Variants in FSTL4 observed in about 807,000 individuals in gnomAD.
The protein encoded by FSTL4 is follistatin-related protein 4.
A neutral mutation model predicts 78.2 loss-of-function variants in FSTL4; 28 were observed. The observed-to-expected ratio is 0.36, with a 90% confidence interval of 0.27 to 0.49. FSTL4 has a LOEUF of 0.49. Among genes scored for constraint, FSTL4 ranks in the 20% least tolerant of loss-of-function variants. The pLI is 0.98. For synonymous variants in FSTL4, 422 were observed against 440.5 expected, an observed-to-expected ratio of 0.96 and a Z score of 0.53; for missense variants, 922 against 1,084.9, an observed-to-expected ratio of 0.85 and a Z score of 2.11.
At chr5:133,534,272 T>C (rs1759309664) in intron 3 of FSTL4, among the ~76,000 whole-genome samples, 2 of 152,180 alleles carry the variant, frequency 1.3e-5, no homozygotes, top group Non-Finnish European at 2.9e-5. Context: ...TTTCTGTCAC[T>C]TGAGTTTAAG....
chr5:133,727,134 G>A, the FSTL4 span, among the ~76,000 whole-genome samples: 2 of 151,974 alleles, frequency 1.3e-5, no homozygotes, highest in Admixed American at 1.3e-4. Context: ...GAAGATGCAG[G>A]GACCCAGAGA....
At chr5:133,450,475 C>T (rs1449282000) in intron 3 of FSTL4, among the ~76,000 whole-genome samples, 2 of 152,240 alleles carry the variant, frequency 1.3e-5, no homozygotes, top group Non-Finnish European at 2.9e-5. Context: ...GCCCACAGGG[C>T]CCAGGGGAGC....
the FSTL4 span, among the ~76,000 whole-genome samples, chr5:133,696,500 G>T: frequency 6.6e-6 from 1 of 152,184 alleles, no homozygotes; most frequent in East Asian, 1.9e-4. Context: ...CCCTTTATCT[G>T]GGCTCTCCTC....
chr5:133,444,036 G>A (rs187103920), intron 3 of FSTL4, among the ~76,000 whole-genome samples: 142 of 152,260 alleles, frequency 9.3e-4, no homozygotes, highest in African/African-American at 3.3e-3. Context: ...CACTTGTGCT[G>A]GGCTGCAGTT....
the FSTL4 span, among the ~76,000 whole-genome samples, chr5:133,639,890 CAG>C: frequency 6.6e-6 from 1 of 152,140 alleles, no homozygotes; most frequent in African/African-American, 2.4e-5. Context: ...GCAACTGAGA[CAG>C]GGACAATCTC....
chr5:133,321,312 G>C (rs747498079), intron 4 of FSTL4, among the ~76,000 whole-genome samples: 1 of 152,216 alleles, frequency 6.6e-6, no homozygotes, highest in Non-Finnish European at 1.5e-5. Flanking sequence ...ATGTAAGCTG[G>C]CACCCCTTAC....
At chr5:133,615,641 T>A (rs1241118781), upstream of FSTL4, among the ~76,000 whole-genome samples, 1 of 152,256 alleles carries the variant, frequency 6.6e-6, no homozygotes, top group East Asian at 1.9e-4. Flanking sequence ...GAAGTTTTCC[T>A]CTAAGTCTAA....
intron 14 of FSTL4, among the ~76,000 whole-genome samples, chr5:133,207,627 C>T (rs1750564608): frequency 6.6e-6 from 1 of 152,086 alleles, no homozygotes; most frequent in Admixed American, 6.5e-5. Flanking sequence ...TTTTACTCCC[C>T]CTTTCTGCAT....
chr5:133,303,126 C>T (rs1323781539), intron 6 of FSTL4, among the ~76,000 whole-genome samples: 3 of 152,248 alleles, frequency 2.0e-5, no homozygotes, highest in Admixed American at 6.5e-5. Context: ...TTTGCATACA[C>T]TCATTAGTCC....
At chr5:133,408,767 C>T (rs779449076) in intron 3 of FSTL4, among the ~76,000 whole-genome samples, 7 of 152,128 alleles carry the variant, frequency 4.6e-5, no homozygotes, top group Non-Finnish European at 7.3e-5. Flanking sequence ...TTAAAAGTGA[C>T]GATAACAATG....
the FSTL4 span, among the ~76,000 whole-genome samples, chr5:133,694,498 G>A: frequency 6.6e-6 from 1 of 152,262 alleles, no homozygotes; most frequent in African/African-American, 2.4e-5. Context: ...GTGAAACTCA[G>A]CATGGTTCCT....
chr5:133,261,537 A>G (rs904011118), intron 6 of FSTL4, among the ~76,000 whole-genome samples: 2 of 152,138 alleles, frequency 1.3e-5, no homozygotes, highest in African/African-American at 4.8e-5. Flanking sequence ...ACAACAATGG[A>G]CCAGCATTCA....
At chr5:133,242,636 T>C (rs1751911869) in intron 7 of FSTL4, among the ~76,000 whole-genome samples, 1 of 152,070 alleles carries the variant, frequency 6.6e-6, no homozygotes, top group African/African-American at 2.4e-5. Flanking sequence ...ACCCCACAGG[T>C]TCCACAGGCT....
chr5:133,340,258 C>A (rs1003580334), intron 4 of FSTL4, among the ~76,000 whole-genome samples: 4 of 152,184 alleles, frequency 2.6e-5, no homozygotes, highest in African/African-American at 9.7e-5. Context: ...GGGAGGAGCA[C>A]CCCGGATGGC....
chr5:133,501,587 T>C (rs1012652916), intron 3 of FSTL4, among the ~76,000 whole-genome samples: 1 of 152,122 alleles, frequency 6.6e-6, no homozygotes, highest in African/African-American at 2.4e-5. Flanking sequence ...GATGAGACAA[T>C]TATTTAAAGG....
At chr5:133,321,348 CTG>C (rs1561671157) in intron 4 of FSTL4, among the ~76,000 whole-genome samples, 5 of 152,350 alleles carry the variant, frequency 3.3e-5, no homozygotes, top group South Asian at 2.1e-4. Flanking sequence ...TGCCCTGACA[CTG>C]TGTGTGTTGG....
At chr5:133,318,200 G>A (rs1023396030) in intron 4 of FSTL4, among the ~76,000 whole-genome samples, 5 of 152,116 alleles carry the variant, frequency 3.3e-5, no homozygotes, top group African/African-American at 4.8e-5. Flanking sequence ...TGACAAGAAC[G>A]CCTCTCTCCC....
the FSTL4 span, among the ~76,000 whole-genome samples, chr5:133,695,316 G>T: frequency 1.3e-5 from 2 of 152,098 alleles, no homozygotes; most frequent in Non-Finnish European, 2.9e-5. Flanking sequence ...GCTCACATTC[G>T]TGATCTGTGG....
intron 4 of FSTL4, among the ~76,000 whole-genome samples, chr5:133,325,215 G>T (rs1346507218): frequency 6.6e-6 from 1 of 152,218 alleles, no homozygotes; most frequent in African/African-American, 2.4e-5. Flanking sequence ...GGATGAATTT[G>T]GCTATGGCAT....
Sources: gnomAD v4.1 joint callset for allele counts (sites outside exome capture counted in the v4.1 genomes callset) on GRCh38, gnomAD v4.1.1 for gene constraint, MANE v1.5 for transcripts, NCBI Gene and HGNC (gene_info 2026-07-23, HGNC 2026-07-21) for gene names.